The following SGCG variants were observed in gnomAD, a reference collection of about 807,000 sequenced individuals.
SGCG encodes sarcoglycan gamma, also known as gamma-sarcoglycan.
Under a neutral mutation model 29.3 loss-of-function variants are expected in SGCG, and 26 were observed. The ratio of observed to expected loss-of-function variants is 0.89; its 90% CI spans 0.65 to 1.23. SGCG has a LOEUF of 1.23. SGCG is among the 50% of genes most tolerant of loss of function. The probability of loss-of-function intolerance (pLI) is 0.00; values close to 1 mark genes in which losing one functional copy is unlikely to be tolerated. For missense variants in SGCG, 353 were observed against 356.0 expected, an observed-to-expected ratio of 0.99 and a Z score of 0.07; for synonymous variants, 145 against 129.7, an observed-to-expected ratio of 1.12 and a Z score of -0.80.
chr13:23,161,588 A>G, the SGCG span, among the ~76,000 whole-genome samples: 1 of 152,252 alleles, frequency 6.6e-6, no homozygotes, highest in South Asian at 2.1e-4. Context: ...GAAGCTGTAA[A>G]GAAGAGATTG....
At chr13:23,193,658 G>A (rs764022936) in intron 1 of SGCG, among the ~76,000 whole-genome samples, 9 of 152,170 alleles carry the variant, frequency 5.9e-5, no homozygotes, top group African/African-American at 4.8e-5. Context: ...TGAAAATTAC[G>A]TTACTTTTTA....
chr13:23,251,567 G>A (rs530709606), intron 4 of SGCG, among the ~76,000 whole-genome samples: 1 of 151,952 alleles, frequency 6.6e-6, no homozygotes, highest in Non-Finnish European at 1.5e-5. Context: ...AGGATTGCTT[G>A]AATCTAGGTG....
intron 4 of SGCG, 34 bp from the exon 5 acceptor site, chr13:23,279,325 G>T: frequency 6.3e-7 from 1 of 1,599,820 alleles, no homozygotes; most frequent in South Asian, 1.1e-5. Flanking sequence ...TGCTTGTAGT[G>T]AACAGTTTAT....
intron 2 of SGCG, among the ~76,000 whole-genome samples, chr13:23,225,807 A>ACACACACACACACACC (rs1491150183): frequency 1.4e-5 from 2 of 144,910 alleles, no homozygotes; most frequent in African/African-American, 5.0e-5. Context: ...ACACACACAC[A>ACACACACACACACACC]CCCCTACATA....
chr13:23,200,996 A>T (rs1047433410), intron 1 of SGCG, among the ~76,000 whole-genome samples: 3 of 152,084 alleles, frequency 2.0e-5, no homozygotes, highest in African/African-American at 7.2e-5. Flanking sequence ...ATGGGAAGCC[A>T]CGGGAAGGTT....
chr13:23,316,779 A>G (rs1480526956), intron 6 of SGCG, among the ~76,000 whole-genome samples: 1 of 152,184 alleles, frequency 6.6e-6, no homozygotes, highest in Non-Finnish European at 1.5e-5. Flanking sequence ...TGCCACCAGG[A>G]GACACAACAA....
chr13:23,310,242 A>T (rs1367026971), intron 6 of SGCG, among the ~76,000 whole-genome samples: 1 of 150,782 alleles, frequency 6.6e-6, no homozygotes, highest in Non-Finnish European at 1.5e-5. Flanking sequence ...GCCCGCCACC[A>T]CACCCGGGTA....
At chr13:23,237,415 C>T (rs1879353063) in intron 3 of SGCG, among the ~76,000 whole-genome samples, 1 of 152,170 alleles carries the variant, frequency 6.6e-6, no homozygotes, top group Non-Finnish European at 1.5e-5. Flanking sequence ...ACAGCCAAAG[C>T]CCACAGTGTG....
chr13:23,198,207 T>G (rs5027312), intron 1 of SGCG, among the ~76,000 whole-genome samples: 34,011 of 148,894 alleles, frequency 0.23, 4,124 homozygotes, highest in East Asian at 0.35. Context: ...TATTAACTCA[T>G]TTTGGGCATT....
intron 7 of SGCG, among the ~76,000 whole-genome samples, 183 bp downstream of exon 7, chr13:23,320,943 G>A (rs1883013003): frequency 6.6e-6 from 1 of 152,024 alleles, no homozygotes; most frequent in South Asian, 2.1e-4. Context: ...GGCCAAGAAA[G>A]TCTAAAATTA....
intron 6 of SGCG, among the ~76,000 whole-genome samples, chr13:23,306,819 G>A (rs1340523579): frequency 6.6e-6 from 1 of 152,094 alleles, no homozygotes; most frequent in African/African-American, 2.4e-5. Context: ...TTCAACAACT[G>A]GAAACAGTTT....
intron 2 of SGCG, among the ~76,000 whole-genome samples, chr13:23,221,576 T>C (rs1878658435): frequency 6.6e-6 from 1 of 152,172 alleles, no homozygotes; most frequent in South Asian, 2.1e-4. Context: ...TGCTAAGCGC[T>C]ACAAATACAA....
At chr13:23,279,028 A>G (rs949250124) in intron 4 of SGCG, among the ~76,000 whole-genome samples, 19 of 152,200 alleles carry the variant, frequency 1.2e-4, no homozygotes, top group African/African-American at 4.6e-4. Flanking sequence ...GTGGTTAATA[A>G]CCAAAAGAAT....
intron 6 of SGCG, among the ~76,000 whole-genome samples, chr13:23,307,997 A>C (rs1275511327): frequency 6.6e-6 from 1 of 152,046 alleles, no homozygotes; most frequent in African/African-American, 2.4e-5. Flanking sequence ...CATTACACCT[A>C]TGTGTAATGT....
intron 5 of SGCG, among the ~76,000 whole-genome samples, chr13:23,282,234 A>G (rs1027582303): frequency 6.6e-6 from 1 of 152,170 alleles, no homozygotes; most frequent in Non-Finnish European, 1.5e-5. Flanking sequence ...AAGAGATTCC[A>G]CGGTTTTGAT....
chr13:23,183,256 A>G (rs1876816508), intron 1 of SGCG, among the ~76,000 whole-genome samples: 1 of 152,176 alleles, frequency 6.6e-6, no homozygotes, highest in African/African-American at 2.4e-5. Flanking sequence ...AGTAGCTTCC[A>G]TCGGCATCAC....
In SGCG at chr13:23,234,515, T is replaced by C. The variant is rs1304860143; in HGVS notation, c.196-96T>C. The C allele has an allele frequency of 3.6e-6, 3 of 831,314 alleles. No individual in the cohort carries two copies. The African/African-American group carries it at 5.1e-5, about 14-fold the overall frequency. 51.5% of individuals were successfully genotyped at this position (831,314 alleles called of 1,614,324 possible). On this transcript the variant is annotated intron_variant, in intron 2 of 7. Coordinates refer to ENST00000218867, the MANE Select transcript of SGCG (RefSeq NM_000231.3). Reference sequence around the variant, plus strand: ...GAAATGCAGAAAAGGTGGTAGGCAATATATGGAAATACATGTGTGATTTAA... The same window carrying C: ...GAAATGCAGAAAAGGTGGTAGGCAACATATGGAAATACATGTGTGATTTAA...
chr13:23,298,830 C>A (rs1201471939), intron 6 of SGCG, among the ~76,000 whole-genome samples: 6 of 152,220 alleles, frequency 3.9e-5, no homozygotes, highest in Admixed American at 3.9e-4. Context: ...CAGGCTCTTA[C>A]TGAAAAAGAA....
chr13:23,171,085 CT>C, the SGCG span, among the ~76,000 whole-genome samples: 1 of 152,148 alleles, frequency 6.6e-6, no homozygotes, highest in South Asian at 2.1e-4. Context: ...GTCAAAATGT[CT>C]TTATCGTATC....
Sources: allele counts gnomAD v4.1 joint callset (sites outside exome capture counted in the v4.1 genomes callset), GRCh38; gene constraint gnomAD v4.1.1; transcripts MANE v1.5; gene names NCBI Gene and HGNC (gene_info 2026-07-23, HGNC 2026-07-21).